Variants in EFCAB11 observed in about 807,000 individuals in gnomAD.
EFCAB11 encodes the protein EF-hand calcium binding domain 11, also known as EF-hand calcium-binding domain-containing protein 11.
EFCAB11 carries 14 observed loss-of-function variants against 23.0 expected under a neutral mutation model. The ratio of observed to expected loss-of-function variants is 0.61; its 90% CI spans 0.40 to 0.95. EFCAB11 has a LOEUF of 0.95. EFCAB11 is among the 40% of genes least tolerant of loss of function. The pLI, the probability that EFCAB11 is intolerant of heterozygous loss-of-function variation, is 0.00. For missense variants in EFCAB11, 198 were observed against 195.8 expected (o/e 1.01, Z -0.07); for synonymous variants, 65 against 66.6 (o/e 0.98, Z 0.11).
rs530709151 is a variant in EFCAB11 at position 89,804,263 on chromosome 14, A to C, written c.411-6939T>G. ...CCTTGACCAGTTTACACTCCAGCTCACTCTGCTGTTCTCTCTTTCCTTCAT... is the reference window on the plus strand; with the variant it reads ...CCTTGACCAGTTTACACTCCAGCTCCCTCTGCTGTTCTCTCTTTCCTTCAT... On this transcript the variant is annotated intron_variant, in intron 5 of 5. Coordinates refer to ENST00000316738, the MANE Select transcript of EFCAB11 (RefSeq NM_145231.4). Among the ~76,000 whole-genome samples the C allele has an allele frequency of 7.2e-5, 11 of 152,178 alleles. No homozygotes were observed. The South Asian group carries it at 2.3e-3, about 32-fold the overall frequency.
intron 5 of EFCAB11, among the ~76,000 whole-genome samples, chr14:89,813,678 C>T (rs920220240): frequency 6.8e-6 from 1 of 147,456 alleles, no homozygotes; most frequent in Non-Finnish European, 1.5e-5. Flanking sequence ...CTATAAAATG[C>T]CTATGTGCTC....
chr14:89,917,537 T>C (rs1339556038), intron 5 of EFCAB11, among the ~76,000 whole-genome samples: 4 of 152,220 alleles, frequency 2.6e-5, no homozygotes, highest in African/African-American at 9.6e-5. Context: ...CTATTGTGAA[T>C]AATGCTGCAA....
chr14:89,820,770 T>G (rs1470387062), intron 5 of EFCAB11, among the ~76,000 whole-genome samples: 1 of 152,110 alleles, frequency 6.6e-6, no homozygotes, highest in Non-Finnish European at 1.5e-5. Flanking sequence ...GAGTAATAGA[T>G]GTATGATGGT....
chr14:89,856,184 CTCTCTCTCT>C (rs1334160894), intron 5 of EFCAB11, among the ~76,000 whole-genome samples: 27 of 104,472 alleles, frequency 2.6e-4, no homozygotes, highest in African/African-American at 7.6e-4. Flanking sequence ...TAATTTCTCT[CTCTCTCTCT>C]TTTTTTTTTT....
intron 1 of EFCAB11, 189 bp downstream of exon 1, chr14:89,954,397 G>T: frequency 6.5e-7 from 1 of 1,536,314 alleles, no homozygotes; most frequent in Middle Eastern, 1.7e-4. Context: ...GAACTTGGAG[G>T]TAGCCGTAGT....
At position 89,797,176 on chromosome 14, in the gene EFCAB11, A is replaced by G; in HGVS notation, c.*67T>C. 1 of 1,413,878 alleles carries G rather than the reference A, an allele frequency of 7.1e-7. No individual in the cohort carries two copies. Among genetic ancestry groups the G allele is most frequent in the Non-Finnish European group, 9.9e-7 (1 of 1,014,330 alleles). 87.6% of individuals were successfully genotyped at this position (1,413,878 alleles called of 1,614,324 possible). A position where few individuals can be genotyped will look rare whatever the true frequency, so the allele number is the denominator to read the frequency against. ...AAGTCTGTAGCATGACATCATTAGT[A>G]GAGTCGAGTCTGCTGACATTACAAT... On this transcript the variant is annotated 3_prime_UTR_variant, in exon 6 of 6. Coordinates refer to ENST00000316738, the MANE Select transcript of EFCAB11 (RefSeq NM_145231.4).
At chr14:89,878,608 T>G in intron 5 of EFCAB11, among the ~76,000 whole-genome samples, 1 of 152,278 alleles carries the variant, frequency 6.6e-6, no homozygotes. Flanking sequence ...ATTATATGAA[T>G]GTCTAAATAT....
intron 5 of EFCAB11, chr14:89,830,076 G>C (rs1052466776): frequency 3.3e-5 from 5 of 151,912 alleles, no homozygotes; most frequent in Non-Finnish European, 7.4e-5. Context: ...TTGTGAGACT[G>C]GTTTCTTTTG....
At chr14:89,873,379 T>C (rs896050713) in intron 5 of EFCAB11, among the ~76,000 whole-genome samples, 8 of 152,206 alleles carry the variant, frequency 5.3e-5, no homozygotes, top group African/African-American at 1.9e-4. Context: ...AGATGAGATT[T>C]GGGTGGGGAC....
intron 5 of EFCAB11, among the ~76,000 whole-genome samples, chr14:89,838,997 G>T (rs1887172881): frequency 6.6e-6 from 1 of 152,154 alleles, no homozygotes; most frequent in African/African-American, 2.4e-5. Context: ...AGGGCTTTGA[G>T]TTTTGGGGGA....
intron 5 of EFCAB11, among the ~76,000 whole-genome samples, chr14:89,834,544 G>T (rs138832062): frequency 1.9e-4 from 29 of 152,270 alleles, no homozygotes; most frequent in African/African-American, 7.0e-4. Flanking sequence ...AGCCGCCTCC[G>T]GCAGAACTCT....
At position 89,878,761 on chromosome 14, in the gene EFCAB11, G is replaced by T. The variant is rs552390325; in HGVS notation, c.410+52780C>A. ...ACTGACCTAAGAGACAATAACAAAT[G>T]TGGGTCATTTATCTCAAACTTCTTT... On this transcript the variant is annotated intron_variant, in intron 5 of 5. Transcript: ENST00000316738. 3.3e-5 allele frequency among the ~76,000 whole-genome samples: 5 copies of T among 152,188 alleles called. No individual in the cohort carries two copies. The East Asian group carries it at 9.6e-4, about 29-fold the overall frequency.
chr14:89,828,259 A>C (rs970130275), intron 5 of EFCAB11, among the ~76,000 whole-genome samples: 1 of 152,178 alleles, frequency 6.6e-6, no homozygotes, highest in Non-Finnish European at 1.5e-5. Context: ...AAATGTAAGC[A>C]TTTATTTTTA....
intron 5 of EFCAB11, chr14:89,836,971 A>G: frequency 2.2e-6 from 1 of 453,578 alleles, no homozygotes; most frequent in Non-Finnish European, 4.4e-6. Context: ...GCAGTGAGCC[A>G]AGACTGTGCG....
intron 3 of EFCAB11, among the ~76,000 whole-genome samples, chr14:89,947,035 T>A (rs1174875755): frequency 6.6e-6 from 1 of 152,152 alleles, no homozygotes; most frequent in Non-Finnish European, 1.5e-5. Context: ...TAAAACAGTA[T>A]CAACATATAT....
chr14:89,797,492 G>T (rs548385710), intron 5 of EFCAB11, among the ~76,000 whole-genome samples, 168 bp from the exon 6 acceptor site: 2 of 152,190 alleles, frequency 1.3e-5, no homozygotes, highest in East Asian at 1.9e-4. Context: ...ATAAAGGTTT[G>T]CAGGAAAGAA....
At chr14:89,865,581 A>G (rs1276070836) in intron 5 of EFCAB11, among the ~76,000 whole-genome samples, 1 of 152,024 alleles carries the variant, frequency 6.6e-6, no homozygotes, top group African/African-American at 2.4e-5. Flanking sequence ...GGCTCACTGC[A>G]GCGTCAACCT....
chr14:89,897,362 CA>C (rs1435099177), intron 5 of EFCAB11, among the ~76,000 whole-genome samples: 1 of 152,018 alleles, frequency 6.6e-6, no homozygotes, highest in East Asian at 1.9e-4. Context: ...TGCATGCCAC[CA>C]AGCCCAACTA....
chr14:89,952,161 T>C (rs2139850484), intron 2 of EFCAB11, among the ~76,000 whole-genome samples: 1 of 152,288 alleles, frequency 6.6e-6, no homozygotes, highest in Non-Finnish European at 1.5e-5. Context: ...AGTTTATAGG[T>C]GACATGCTAT....
Sources: gnomAD v4.1 joint callset for allele counts (sites outside exome capture counted in the v4.1 genomes callset) on GRCh38, gnomAD v4.1.1 for gene constraint, MANE v1.5 for transcripts, NCBI Gene and HGNC (gene_info 2026-07-23, HGNC 2026-07-21) for gene names.